Variants in MCTP2 observed in about 807,000 individuals in gnomAD.
MCTP2 encodes the protein multiple C2 and transmembrane domain-containing protein 2.
Under a neutral mutation model 111.6 loss-of-function variants are expected in MCTP2, and 132 were observed. The observed-to-expected ratio is 1.18, with a 90% confidence interval of 1.03 to 1.37. The LOEUF (loss-of-function observed/expected upper bound fraction) is 1.37. Ranked by LOEUF, MCTP2 falls within the 40% of genes most tolerant of loss-of-function variation. The pLI is 0.00. For missense variants in MCTP2, 1,183 were observed against 1,067.9 expected (o/e 1.11, Z -1.50); for synonymous variants, 395 against 387.7 (o/e 1.02, Z -0.22).
intron 11 of MCTP2, among the ~76,000 whole-genome samples, chr15:94,368,736 A>G (rs921022080): frequency 6.6e-6 from 1 of 152,230 alleles, no homozygotes; most frequent in African/African-American, 2.4e-5. Context: ...TAAGCAAATG[A>G]AAATTAATGG....
At chr15:94,326,129 T>C (rs1310770110) in intron 4 of MCTP2, among the ~76,000 whole-genome samples, 1 of 152,108 alleles carries the variant, frequency 6.6e-6, no homozygotes, top group Admixed American at 6.5e-5. Context: ...CGCCCCGATT[T>C]TTAAAATCTA....
chr15:94,300,524 A>AG (rs2075559920), intron 2 of MCTP2, among the ~76,000 whole-genome samples: 1 of 150,676 alleles, frequency 6.6e-6, no homozygotes, highest in Non-Finnish European at 1.5e-5. Flanking sequence ...AAAAAAAAAA[A>AG]GAACTTTTAT....
At chr15:94,244,406 TCG>T (rs2071553910) in intron 1 of MCTP2, among the ~76,000 whole-genome samples, 28 of 149,454 alleles carry the variant, frequency 1.9e-4, no homozygotes, top group East Asian at 6.0e-4. Flanking sequence ...ATATTTATAT[TCG>T]TATATGTATA....
At chr15:94,439,210 T>A (rs1042412793) in intron 17 of MCTP2, among the ~76,000 whole-genome samples, 4 of 151,900 alleles carry the variant, frequency 2.6e-5, no homozygotes, top group African/African-American at 9.7e-5. Context: ...AAAGAGAAAA[T>A]TTTTAAATGT....
intron 10 of MCTP2, among the ~76,000 whole-genome samples, chr15:94,367,376 G>A (rs1293785215): frequency 2.0e-5 from 3 of 152,016 alleles, no homozygotes; most frequent in Admixed American, 6.5e-5. Context: ...TCCATCTGCC[G>A]ATGCTGCCTT....
chr15:94,407,579 T>A (rs2081962156), intron 17 of MCTP2, among the ~76,000 whole-genome samples: 1 of 152,166 alleles, frequency 6.6e-6, no homozygotes, highest in Admixed American at 6.6e-5. Flanking sequence ...AATTAAAGCA[T>A]CAATCAACCT....
chr15:94,455,104 G>T (rs533205213), intron 19 of MCTP2, among the ~76,000 whole-genome samples: 123 of 152,362 alleles, frequency 8.1e-4, no homozygotes, highest in Admixed American at 1.7e-3. Context: ...TTGCAGGCGT[G>T]AGCCACCACT....
At chr15:94,444,389 G>A (rs758809789) in intron 19 of MCTP2, among the ~76,000 whole-genome samples, 21 of 152,174 alleles carry the variant, frequency 1.4e-4, no homozygotes, top group Admixed American at 3.3e-4. Context: ...GAATGTTTGG[G>A]CATTGGTGTT....
intron 1 of MCTP2, among the ~76,000 whole-genome samples, chr15:94,257,827 T>C (rs7169260): frequency 0.51 from 76,717 of 150,566 alleles, 19,772 homozygotes; most frequent in Middle Eastern, 0.61. Flanking sequence ...CCTTGTGATC[T>C]GCCCTCCTCG....
rs919560025 is a variant in MCTP2, at chr15:94,442,815, T to C, written c.2209-104T>C. On this transcript the variant is annotated intron_variant, in intron 18 of 22. Transcript: ENST00000357742. ...GAGGTTGTAATGCATTTCAAAAATA[T>C]AAATGCTTGAAGTCTGTAGGCAAGC... The C allele has an allele frequency of 1.2e-5, 11 of 918,744 alleles. No homozygotes were observed. The Admixed American group carries it at 1.5e-4, about 13-fold the overall frequency. 56.9% of individuals were successfully genotyped at this position (918,744 alleles called of 1,614,324 possible). A position where few individuals can be genotyped will look rare whatever the true frequency, so the allele number is the denominator to read the frequency against.
At chr15:94,232,378 A>G (rs2070242269) in intron 1 of MCTP2, among the ~76,000 whole-genome samples, 2 of 152,172 alleles carry the variant, frequency 1.3e-5, no homozygotes, top group African/African-American at 4.8e-5. Flanking sequence ...AGATGCTTAC[A>G]AGAGCTTGGT....
At chr15:94,281,106 G>T (rs1162334915) in intron 1 of MCTP2, among the ~76,000 whole-genome samples, 1 of 152,080 alleles carries the variant, frequency 6.6e-6, no homozygotes, top group Non-Finnish European at 1.5e-5. Flanking sequence ...GTTGAGTTTA[G>T]GTCTCAAATA....
chr15:94,439,909 A>G lies in MCTP2; in HGVS notation c.2086-267A>G, dbSNP rs576518882. 2.6e-5 allele frequency among the ~76,000 whole-genome samples: 4 copies of G among 152,260 alleles called. No individual in the cohort carries two copies. In the South Asian group the frequency reaches 6.2e-4, roughly 24 times the overall value. ...TTGGACTTTTTCCATACTACTTTCC[A>G]TAAATTCTGGCACACTAAAATCCAT... On this transcript the variant is annotated intron_variant, in intron 17 of 22. Transcript: ENST00000357742.
Position 94,267,869 on chromosome 15 carries a change from C to CTTTTTTTTTTTTTTTTTTTTT in MCTP2, c.-65-30318_-65-30317insTTTTTTTTTTTTTTTTTTTTT, listed in dbSNP as rs755287019. Among the ~76,000 whole-genome samples, 90 of 77,454 alleles carry CTTTTTTTTTTTTTTTTTTTTT rather than the reference C, an allele frequency of 1.2e-3. 15 individuals are homozygous for CTTTTTTTTTTTTTTTTTTTTT. The highest frequency in any genetic ancestry group is 3.6e-3 in the African/African-American group (62 of 17,434). 50.8% of individuals were successfully genotyped at this position (77,454 alleles called of 152,430 possible). On this transcript the variant is annotated intron_variant, in intron 1 of 22. Coordinates refer to ENST00000357742, the MANE Select transcript of MCTP2 (RefSeq NM_001385001.1). ...GGTCTGGATTACTTTCCTTTTCTTT[C>CTTTTTTTTTTTTTTTTTTTTT]TTTTTTTTTTTTTTGAGACAGAGTC...
chr15:94,407,521 TAAAG>T (rs1012972273), intron 17 of MCTP2, among the ~76,000 whole-genome samples: 1 of 152,146 alleles, frequency 6.6e-6, no homozygotes, highest in Non-Finnish European at 1.5e-5. Flanking sequence ...TATAGGGAAA[TAAAG>T]AATTTACTTT....
rs202170550 is a variant in MCTP2 at position 94,435,629 on chromosome 15, C to CTTTTT, written c.2086-4531_2086-4527dup. ...CTAAAAAAGTTGTACTTTTTTTATTCTTTTTTTTTTTTTTTTTTTTGAGAC... is the reference window on the plus strand; with the variant it reads ...CTAAAAAAGTTGTACTTTTTTTATTCTTTTTTTTTTTTTTTTTTTTTTTTTGAGAC... On this transcript the variant is annotated intron_variant, in intron 17 of 22. Transcript: ENST00000357742. 1.9e-4 allele frequency among the ~76,000 whole-genome samples: 22 copies of CTTTTT among 117,924 alleles called. 1 individual carries two copies. The highest frequency in any genetic ancestry group is 4.1e-4 in the African/African-American group (13 of 32,042). 77.4% of individuals were successfully genotyped at this position (117,924 alleles called of 152,430 possible). A position where few individuals can be genotyped will look rare whatever the true frequency, so the allele number is the denominator to read the frequency against.
At chr15:94,312,088 G>C (rs1221748992) in intron 2 of MCTP2, among the ~76,000 whole-genome samples, 1 of 152,132 alleles carries the variant, frequency 6.6e-6, no homozygotes, top group East Asian at 1.9e-4. Context: ...GTAGAGCATT[G>C]ATTCAATTAA....
intron 1 of MCTP2, among the ~76,000 whole-genome samples, chr15:94,250,757 T>C (rs1042544822): frequency 2.0e-5 from 3 of 152,200 alleles, no homozygotes; most frequent in African/African-American, 7.2e-5. Context: ...ATGCTACTTA[T>C]AGAGTTCAGT....
chr15:94,450,403 C>T (rs146555485), intron 19 of MCTP2, among the ~76,000 whole-genome samples: 49 of 152,336 alleles, frequency 3.2e-4, no homozygotes, highest in African/African-American at 1.1e-3. Context: ...CAAAATGCCT[C>T]ATGGGAAGAA....
Sources: allele counts gnomAD v4.1 joint callset (sites outside exome capture counted in the v4.1 genomes callset), GRCh38; gene constraint gnomAD v4.1.1; transcripts MANE v1.5; gene names NCBI Gene and HGNC (gene_info 2026-07-23, HGNC 2026-07-21).